The following TANC2 variants were observed in gnomAD, a reference collection of about 807,000 sequenced individuals.
The protein encoded by TANC2 is protein TANC2.
TANC2 carries 26 observed loss-of-function variants against 210.5 expected under a neutral mutation model. The ratio of observed to expected loss-of-function variants is 0.12; its 90% confidence interval spans 0.09 to 0.17. The LOEUF (loss-of-function observed/expected upper bound fraction) is 0.17. Among genes scored for constraint, TANC2 ranks in the 10% least tolerant of loss-of-function variants. TANC2 has a pLI of 1.00. For missense variants in TANC2, 2,129 were observed against 2,608.9 expected, an observed-to-expected ratio of 0.82 and a Z score of 4.01; for synonymous variants, 931 against 967.1, an observed-to-expected ratio of 0.96 and a Z score of 0.69.
intron 8 of TANC2, among the ~76,000 whole-genome samples, chr17:63,246,937 A>G (rs925401393): frequency 2.0e-5 from 3 of 152,188 alleles, no homozygotes; most frequent in African/African-American, 4.8e-5. Context: ...CCGGCAGTGT[A>G]CAAGGATTCC....
chr17:63,091,698 C>CT (rs1183314085), intron 3 of TANC2, among the ~76,000 whole-genome samples: 1 of 152,090 alleles, frequency 6.6e-6, no homozygotes, highest in Non-Finnish European at 1.5e-5. Context: ...ATGCGGGCCC[C>CT]TTTTTTGGTT....
At chr17:63,387,968 CAA>C (rs1286904747) in intron 15 of TANC2, 1 of 151,850 alleles carries the variant, frequency 6.6e-6, no homozygotes, top group African/African-American at 2.4e-5. Context: ...AATGACTTAA[CAA>C]AGATTTATTT....
At chr17:63,379,105 C>T (rs934335036) in intron 14 of TANC2, among the ~76,000 whole-genome samples, 6 of 152,110 alleles carry the variant, frequency 3.9e-5, no homozygotes, top group Non-Finnish European at 5.9e-5. Flanking sequence ...GACATTTAAG[C>T]ATGGGTGGAA....
exon 28 of TANC2, chr17:63,424,860 C>T (rs1176900823): frequency 6.6e-6 from 1 of 152,058 alleles, no homozygotes; most frequent in East Asian, 1.9e-4. Context: ...ACATTTATAG[C>T]ACAAGAAATA....
At chr17:63,096,690 A>G (rs1219486382) in intron 3 of TANC2, among the ~76,000 whole-genome samples, 1 of 152,106 alleles carries the variant, frequency 6.6e-6, no homozygotes, top group Non-Finnish European at 1.5e-5. Flanking sequence ...GCTATTATGT[A>G]TGAATAATGC....
At chr17:63,356,428 A>C (rs2046783939) in intron 14 of TANC2, among the ~76,000 whole-genome samples, 1 of 152,158 alleles carries the variant, frequency 6.6e-6, no homozygotes, top group African/African-American at 2.4e-5. Flanking sequence ...ACTATGCCTC[A>C]CATGTGACTC....
At chr17:63,035,428 C>T (rs566744134) in intron 2 of TANC2, among the ~76,000 whole-genome samples, 1 of 152,154 alleles carries the variant, frequency 6.6e-6, no homozygotes, top group African/African-American at 2.4e-5. Flanking sequence ...TGGAACGGAA[C>T]CAGCAAAATC....
chr17:63,141,921 A>G (rs2145318596), intron 4 of TANC2, among the ~76,000 whole-genome samples: 1 of 152,360 alleles, frequency 6.6e-6, no homozygotes, highest in Admixed American at 6.5e-5. Context: ...AAAGTTTTTA[A>G]ACTTTTTTAC....
chr17:63,354,008 G>A (rs1456787761), intron 13 of TANC2, among the ~76,000 whole-genome samples: 1 of 152,122 alleles, frequency 6.6e-6, no homozygotes, highest in Non-Finnish European at 1.5e-5. Flanking sequence ...GTGAAAAATG[G>A]GAACAGAGAT....
chr17:63,107,387 G>A lies in TANC2; in HGVS notation c.322+8030G>A, dbSNP rs1480084986. 4.6e-5 allele frequency among the ~76,000 whole-genome samples: 7 copies of A among 151,662 alleles called. No individual in the cohort carries two copies. In the East Asian group the frequency reaches 1.4e-3, roughly 29 times the overall value. On this transcript the variant is annotated intron_variant, in intron 4 of 27. Transcript: ENST00000689528. The stretch of plus-strand genomic sequence containing the variant: ...AATAATATTAAACACAAATAAAAAA[G>A]TTTTATTTGATATTTTATGCAGATA...
At chr17:63,297,694 A>G (rs139859565) in intron 9 of TANC2, among the ~76,000 whole-genome samples, 1 of 152,286 alleles carries the variant, frequency 6.6e-6, no homozygotes, top group Non-Finnish European at 1.5e-5. Flanking sequence ...GAACAGCAGT[A>G]ACCAAAAAAT....
At chr17:63,208,268 C>T (rs2041783612) in intron 7 of TANC2, among the ~76,000 whole-genome samples, 1 of 152,116 alleles carries the variant, frequency 6.6e-6, no homozygotes, top group Admixed American at 6.5e-5. Context: ...ATAACTAGTT[C>T]CATTACCATG....
chr17:63,145,872 T>TA (rs2039446244), intron 4 of TANC2, among the ~76,000 whole-genome samples: 1 of 152,094 alleles, frequency 6.6e-6, no homozygotes, highest in South Asian at 2.1e-4. Flanking sequence ...TTGTTTTGAC[T>TA]ATTTAGGTTC....
At chr17:63,223,562 A>C (rs2042250774) in intron 7 of TANC2, among the ~76,000 whole-genome samples, 1 of 143,366 alleles carries the variant, frequency 7.0e-6, no homozygotes, top group South Asian at 2.2e-4. Flanking sequence ...ATCTGTACCC[A>C]CTCTTAATTA....
intron 12 of TANC2, among the ~76,000 whole-genome samples, chr17:63,341,770 C>G (rs775875707): frequency 4.6e-5 from 7 of 152,216 alleles, no homozygotes; most frequent in Admixed American, 6.5e-5. Context: ...AAACACTTCT[C>G]TGATCACATA....
At chr17:63,358,376 A>AGAGAGTGTGTGTGTGTGT (rs1470682571) in intron 14 of TANC2, among the ~76,000 whole-genome samples, 13 of 81,044 alleles carry the variant, frequency 1.6e-4, no homozygotes, top group African/African-American at 4.4e-4. Flanking sequence ...AGAGAGAGAG[A>AGAGAGTGTGTGTGTGTGT]GTATGTGTGT....
At chr17:63,108,843 T>A (rs1304639933) in intron 4 of TANC2, among the ~76,000 whole-genome samples, 1 of 151,072 alleles carries the variant, frequency 6.6e-6, no homozygotes, top group Admixed American at 6.6e-5. Context: ...AAATAAAAAA[T>A]TTTAAAAAGT....
chr17:63,193,766 T>C (rs1038529353), intron 5 of TANC2, among the ~76,000 whole-genome samples: 2 of 152,202 alleles, frequency 1.3e-5, no homozygotes, highest in Admixed American at 1.3e-4. Context: ...ACATTTATAA[T>C]CATTTTGAGT....
In TANC2 at chr17:63,174,832, C is replaced by T. The variant is rs184550788; in HGVS notation, c.434-19159C>T. Among the ~76,000 whole-genome samples, 170 of 152,238 alleles carry T rather than the reference C, an allele frequency of 1.1e-3. 3 individuals are homozygous for T. The highest frequency in any genetic ancestry group is 8.3e-4 in the South Asian group (4 of 4,812). On this transcript the variant is annotated intron_variant, in intron 5 of 27. Coordinates refer to ENST00000689528, the Ensembl canonical transcript of TANC2. ...TAAAAATGAATGGTATTGCTATATT[C>T]TAGCAAAGAACCATTGGAAAATTAA...
Sources: allele counts gnomAD v4.1 joint callset (sites outside exome capture counted in the v4.1 genomes callset), GRCh38; gene constraint gnomAD v4.1.1; transcripts MANE v1.5; gene names NCBI Gene and HGNC (gene_info 2026-07-23, HGNC 2026-07-21).